Variants in ZNF423 observed in about 807,000 individuals in gnomAD.
ZNF423 encodes the protein zinc finger protein 423.
A neutral mutation model predicts 95.8 loss-of-function variants in ZNF423; 12 were observed. The observed-to-expected ratio is 0.13, with a 90% CI of 0.08 to 0.20. The LOEUF is 0.20. Among genes scored for constraint, ZNF423 ranks in the 10% least tolerant of loss-of-function variants. The pLI is 1.00. For synonymous variants in ZNF423, 749 were observed against 711.9 expected (o/e 1.05, Z -0.83); for missense variants, 1,316 against 1,737.1 (o/e 0.76, Z 4.31).
Position 49,638,569 on chromosome 16 carries a change from G to A in ZNF423, c.607C>T (p.His203Tyr). 1 of 1,613,842 alleles carries A rather than the reference G, an allele frequency of 6.2e-7. No individual in the cohort carries two copies. Among genetic ancestry groups the A allele is most frequent in the Non-Finnish European group, 8.5e-7 (1 of 1,180,036 alleles). ...IKLHTGDKKYHCHECEAAFSR... is the reference protein window; with the variant it reads ...IKLHTGDKKYYCHECEAAFSR... ...AAGGCTGCCTCGCACTCGTGGCAGT[G>A]ATACTTCTTGTCGCCCGTATGCAGC... Residue 203 changes from histidine (H) to tyrosine (Y), a missense_variant, in exon 4 of 8, where the codon CAC (histidine) becomes TAC (tyrosine). His to Tyr is a moderately conservative substitution (Grantham distance 83). Coordinates refer to ENST00000563137, the MANE Select transcript of ZNF423 (RefSeq NM_001379286.1). The surrounding 1 kb of genome is among the most constrained non-coding windows in gnomAD (Gnocchi z 5.6).
chr16:49,824,521 G>T (rs1399891167), intron 1 of ZNF423, among the ~76,000 whole-genome samples: 1 of 152,136 alleles, frequency 6.6e-6, no homozygotes, highest in Non-Finnish European at 1.5e-5. Flanking sequence ...GAGCTACAGA[G>T]ATGCTACACA....
At chr16:49,737,346 G>C (rs2110829) in intron 2 of ZNF423, among the ~76,000 whole-genome samples, 55,497 of 151,440 alleles carry the variant, frequency 0.37, 10,635 homozygotes, top group African/African-American at 0.48. Context: ...CTCAGCTCAC[G>C]GCAACCTCTG....
intron 7 of ZNF423, among the ~76,000 whole-genome samples, chr16:49,517,070 A>G (rs1330098887): frequency 6.6e-6 from 1 of 152,224 alleles, no homozygotes; most frequent in East Asian, 1.9e-4. Context: ...AGAGAGGACA[A>G]TAAAAGCCAG....
chr16:49,635,989 G>A lies in ZNF423; in HGVS notation c.3187C>T (p.Pro1063Ser). The change falls in exon 4 of 8, where the codon CCC (proline) becomes TCC (serine). Residue 1063 changes from proline to serine, a missense_variant. Pro to Ser is a moderately conservative substitution (Grantham distance 74). Around this residue, in one of 6 missense-constraint regions of ZNF423, gnomAD observed 620 missense variants for 775.6 expected, o/e 0.80. Transcript: ENST00000563137. The surrounding 1 kb of genome is among the most constrained non-coding windows in gnomAD (Gnocchi z 4.8). Reference protein sequence around the residue: ...KLAGSSAASSPNGQGLQKLYK... With the variant: ...KLAGSSAASSSNGQGLQKLYK... ...AGCTTCTGCAGCCCCTGGCCATTGGGGGAGGACGCCGCTGAGCTGCCCGCC... is the reference window on the plus strand; with the variant it reads ...AGCTTCTGCAGCCCCTGGCCATTGGAGGAGGACGCCGCTGAGCTGCCCGCC... 1 of 1,601,960 alleles carries A rather than the reference G, an allele frequency of 6.2e-7. No individual in the cohort carries two copies. Among genetic ancestry groups the A allele is most frequent in the South Asian group, 1.1e-5 (1 of 89,354 alleles).
chr16:49,580,724 C>T (rs563841717), intron 5 of ZNF423, among the ~76,000 whole-genome samples: 5 of 152,268 alleles, frequency 3.3e-5, no homozygotes, highest in Non-Finnish European at 4.4e-5. Context: ...TTATACAATG[C>T]CCCGAGAAGG....
intron 7 of ZNF423, among the ~76,000 whole-genome samples, chr16:49,513,000 G>T (rs965980328): frequency 6.6e-6 from 1 of 152,206 alleles, no homozygotes; most frequent in Admixed American, 6.5e-5. Flanking sequence ...GGAGGCTGAA[G>T]CAGGAGAATC....
At chr16:49,645,721 T>A (rs534916728) in intron 3 of ZNF423, among the ~76,000 whole-genome samples, 1 of 152,076 alleles carries the variant, frequency 6.6e-6, no homozygotes, top group Non-Finnish European at 1.5e-5. Context: ...GTTCCCATAA[T>A]CCCCACTTGT....
chr16:49,548,994 C>A (rs79254233), intron 5 of ZNF423, among the ~76,000 whole-genome samples: 1 of 152,172 alleles, frequency 6.6e-6, no homozygotes, highest in Non-Finnish European at 1.5e-5. Context: ...TAACACAGGC[C>A]TATCTTGCAT....
At chr16:49,766,590 TC>T (rs781136587) in intron 2 of ZNF423, among the ~76,000 whole-genome samples, 2 of 152,102 alleles carry the variant, frequency 1.3e-5, no homozygotes, top group Non-Finnish European at 2.9e-5. Context: ...AAGTTTCAGA[TC>T]CCGGGAGGCC....
intron 7 of ZNF423, among the ~76,000 whole-genome samples, chr16:49,520,569 C>T (rs949393534): frequency 2.6e-5 from 4 of 152,202 alleles, no homozygotes; most frequent in African/African-American, 9.7e-5. Context: ...ACCTCTCAGC[C>T]CATAGTCCCT....
chr16:49,636,608 C>T lies in ZNF423; in HGVS notation c.2568G>A (p.Met856Ile), dbSNP rs1459171581. The T allele has an allele frequency of 6.2e-7, 1 of 1,613,876 alleles. No homozygotes were observed. Among genetic ancestry groups the T allele is most frequent in the South Asian group, 1.1e-5 (1 of 91,062 alleles). ...CAGCAGGCTCAGCTTTCTTGGTGGC[C>T]ATTGGGGGTACCCCATTGGCCGTGC... ...ENGTANGVPP[M>I]ATKKAEPADL... The change falls in exon 4 of 8, where the codon ATG (methionine) becomes ATA (isoleucine). Residue 856 changes from methionine (M) to isoleucine (I), a missense_variant. Met to Ile is a conservative substitution (Grantham distance 10). This residue lies in a region of ZNF423 where 620 missense variants were observed against 775.6 expected (regional missense o/e 0.80). Transcript: ENST00000563137. The surrounding 1 kb of genome is among the most constrained non-coding windows in gnomAD (Gnocchi z 8.6).
At chr16:49,515,516 C>G (rs1204886228) in intron 7 of ZNF423, among the ~76,000 whole-genome samples, 1 of 152,248 alleles carries the variant, frequency 6.6e-6, no homozygotes, top group Non-Finnish European at 1.5e-5. Context: ...CCTCGGCAAA[C>G]CGCTTAACTT....
intron 3 of ZNF423, among the ~76,000 whole-genome samples, chr16:49,691,503 C>T (rs948916849): frequency 3.3e-5 from 5 of 152,278 alleles, no homozygotes; most frequent in East Asian, 3.9e-4. Flanking sequence ...GAGGCCTAGG[C>T]GGGCGGATCA....
intron 3 of ZNF423, among the ~76,000 whole-genome samples, chr16:49,700,364 C>T (rs2032138012): frequency 6.6e-6 from 1 of 152,188 alleles, no homozygotes; most frequent in South Asian, 2.1e-4. Context: ...GTCTCCAAGC[C>T]CCTGCTGAAG....
At chr16:49,660,806 A>G (rs2030175268) in intron 3 of ZNF423, among the ~76,000 whole-genome samples, 1 of 151,950 alleles carries the variant, frequency 6.6e-6, no homozygotes, top group African/African-American at 2.4e-5. Context: ...CATTAAAACA[A>G]AGGAGACACA....
intron 1 of ZNF423, among the ~76,000 whole-genome samples, chr16:49,807,886 G>C (rs1378397589): frequency 6.6e-6 from 1 of 152,264 alleles, no homozygotes; most frequent in East Asian, 1.9e-4. Flanking sequence ...GGCTGGCAGG[G>C]ACCTCCCCAG....
chr16:49,727,340 G>T (rs570472247), intron 3 of ZNF423, among the ~76,000 whole-genome samples: 5 of 152,110 alleles, frequency 3.3e-5, no homozygotes, highest in East Asian at 3.9e-4. Context: ...GGTTGGGGAC[G>T]GGGGGGTCTT....
chr16:49,747,892 T>G (rs1335494598), intron 2 of ZNF423, among the ~76,000 whole-genome samples: 1 of 152,244 alleles, frequency 6.6e-6, no homozygotes, highest in Non-Finnish European at 1.5e-5. Context: ...CCCAGCCCTG[T>G]GCTCCTTCCC....
At chr16:49,728,578 G>A (rs999552972) in intron 3 of ZNF423, among the ~76,000 whole-genome samples, 4 of 152,178 alleles carry the variant, frequency 2.6e-5, no homozygotes, top group Admixed American at 2.6e-4. Flanking sequence ...GTCAAAGGCT[G>A]ATGAGAGAAG....
Sources: allele counts gnomAD v4.1 joint callset (sites outside exome capture counted in the v4.1 genomes callset), GRCh38; gene constraint gnomAD v4.1.1; regional missense constraint gnomAD v4.1.1; non-coding constraint Gnocchi (gnomAD v3.1); transcripts MANE v1.5; gene names NCBI Gene and HGNC (gene_info 2026-07-23, HGNC 2026-07-21).